LINGO2: variants seen among roughly 807,000 people sequenced by gnomAD.
LINGO2 encodes leucine-rich repeat and immunoglobulin-like domain-containing nogo receptor-interacting protein 2.
In LINGO2, 14 loss-of-function variants were observed where a neutral mutation model predicts 30.6. That is an observed-to-expected ratio of 0.46 (90% CI 0.30 to 0.72). LINGO2 has a LOEUF of 0.72. LINGO2 is among the 30% of genes least tolerant of loss of function. LINGO2 has a pLI of 0.07. For missense variants in LINGO2, 729 were observed against 751.7 expected (o/e 0.97, Z 0.35); for synonymous variants, 317 against 288.5 (o/e 1.10, Z -1.00).
the LINGO2 span, among the ~76,000 whole-genome samples, chr9:28,728,561 AG>A: frequency 7.9e-5 from 12 of 152,154 alleles, no homozygotes; most frequent in African/African-American, 2.7e-4. Flanking sequence ...AAACTGTAAA[AG>A]TTGTCAAAAA....
chr9:28,006,685 G>A lies in LINGO2; in HGVS notation c.-36+5670C>T, dbSNP rs187054762. 2.6e-5 allele frequency among the ~76,000 whole-genome samples: 4 copies of A among 152,128 alleles called. No homozygotes were observed. The East Asian group carries it at 7.7e-4, about 29-fold the overall frequency. On this transcript the variant is annotated intron_variant, in intron 5 of 5. Coordinates refer to ENST00000379992, the Ensembl canonical transcript of LINGO2. ...AGTAGGACTACAATAATCTCTCAAG[G>A]ATAGATGAAAACTCTTTTAGGGAAC...
chr9:27,999,411 C>T (rs915124891), intron 5 of LINGO2, among the ~76,000 whole-genome samples: 7 of 148,448 alleles, frequency 4.7e-5, no homozygotes, highest in South Asian at 2.2e-4. Flanking sequence ...TAAACCTCTA[C>T]GACTTAATCA....
chr9:28,153,906 T>C (rs1170174056), intron 4 of LINGO2, among the ~76,000 whole-genome samples: 1 of 152,154 alleles, frequency 6.6e-6, no homozygotes, highest in African/African-American at 2.4e-5. Context: ...GCAAATACAA[T>C]TGGGACAAGG....
At chr9:29,021,332 CACTAACT>C in the LINGO2 span, among the ~76,000 whole-genome samples, 9 of 152,128 alleles carry the variant, frequency 5.9e-5, no homozygotes, top group Non-Finnish European at 4.4e-5. Flanking sequence ...GGGAATACGG[CACTAACT>C]ACATTACTGA....
chr9:29,072,164 TTATA>T, the LINGO2 span, among the ~76,000 whole-genome samples: 29,847 of 151,772 alleles, frequency 0.2, 3,049 homozygotes, highest in African/African-American at 0.24. Context: ...AACATCCACA[TTATA>T]TATATTGAAT....
At chr9:28,850,825 G>C in the LINGO2 span, among the ~76,000 whole-genome samples, 1 of 152,024 alleles carries the variant, frequency 6.6e-6, no homozygotes, top group Admixed American at 6.6e-5. Flanking sequence ...CTCTGGTTGT[G>C]AGAAGAGAGG....
intron 5 of LINGO2, among the ~76,000 whole-genome samples, chr9:28,003,581 C>T (rs945405952): frequency 6.6e-6 from 1 of 152,152 alleles, no homozygotes; most frequent in Non-Finnish European, 1.5e-5. Context: ...CCTGCCTCAG[C>T]CTCCTGAGTA....
chr9:29,007,789 G>T, the LINGO2 span, among the ~76,000 whole-genome samples: 15 of 152,170 alleles, frequency 9.9e-5, no homozygotes, highest in African/African-American at 3.6e-4. Context: ...TTAGTTTGAG[G>T]TTTAAAGTGC....
intron 4 of LINGO2, among the ~76,000 whole-genome samples, chr9:28,225,762 G>C (rs1334128479): frequency 6.6e-6 from 1 of 152,020 alleles, no homozygotes; most frequent in Non-Finnish European, 1.5e-5. Context: ...CATAAGCAGG[G>C]AAATATATTC....
chr9:28,904,337 C>T, the LINGO2 span, among the ~76,000 whole-genome samples: 1 of 151,938 alleles, frequency 6.6e-6, no homozygotes, highest in Non-Finnish European at 1.5e-5. Context: ...GCTACTTGTA[C>T]TCAACATAGC....
At chr9:28,871,892 T>C in the LINGO2 span, among the ~76,000 whole-genome samples, 3 of 152,042 alleles carry the variant, frequency 2.0e-5, no homozygotes, top group African/African-American at 7.2e-5. Context: ...TGCTTAATAA[T>C]TTCTACCTTA....
intron 1 of LINGO2, among the ~76,000 whole-genome samples, chr9:28,537,021 A>T (rs996515680): frequency 1.3e-5 from 2 of 151,486 alleles, no homozygotes; most frequent in Admixed American, 6.6e-5. Flanking sequence ...GTCCTTATTT[A>T]AAAAAAAATA....
chr9:28,276,838 C>A (rs1406891351), intron 4 of LINGO2, among the ~76,000 whole-genome samples: 1 of 152,028 alleles, frequency 6.6e-6, no homozygotes, highest in African/African-American at 2.4e-5. Flanking sequence ...TGTCTAATAC[C>A]TTTTAGATGG....
rs114129575 is a variant in LINGO2 at position 28,203,759 on chromosome 9, G to A, written c.-87+91449C>T. Among the ~76,000 whole-genome samples the A allele has an allele frequency of 4.4e-3, 672 of 152,226 alleles. 5 individuals carry two copies. Among genetic ancestry groups the A allele is most frequent in the African/African-American group, 0.015 (640 of 41,546 alleles). The stretch of plus-strand genomic sequence containing the variant: ...AGAATTAGAACACAACACTTGTTTT[G>A]AGCTTCCTGGAAACTAAGAGCACTA... On this transcript the variant is annotated intron_variant, in intron 4 of 5. Transcript: ENST00000379992.
At chr9:28,521,535 C>G (rs115909236) in intron 1 of LINGO2, among the ~76,000 whole-genome samples, 1 of 152,140 alleles carries the variant, frequency 6.6e-6, no homozygotes, top group Non-Finnish European at 1.5e-5. Context: ...TTCTTCCCCC[C>G]ATTTTTCCTT....
At chr9:28,767,102 G>C in the LINGO2 span, among the ~76,000 whole-genome samples, 1 of 151,148 alleles carries the variant, frequency 6.6e-6, no homozygotes, top group East Asian at 1.9e-4. Context: ...GTGGGTAATG[G>C]AGAGACGTAG....
the LINGO2 span, among the ~76,000 whole-genome samples, chr9:28,754,031 C>T: frequency 6.6e-6 from 1 of 151,496 alleles, no homozygotes. Context: ...CACACACACA[C>T]ACACACACAC....
At chr9:29,069,211 A>AGAACT in the LINGO2 span, among the ~76,000 whole-genome samples, 18 of 152,128 alleles carry the variant, frequency 1.2e-4, no homozygotes, top group South Asian at 3.1e-3. Context: ...TCCAGAAGAC[A>AGAACT]GAACTAATAT....
intron 1 of LINGO2, among the ~76,000 whole-genome samples, chr9:28,538,851 T>C (rs1821549256): frequency 6.6e-6 from 1 of 151,970 alleles, no homozygotes. Context: ...TTCCAACCTA[T>C]GAATTTGGGG....
Sources: allele counts gnomAD v4.1 joint callset (sites outside exome capture counted in the v4.1 genomes callset), GRCh38; gene constraint gnomAD v4.1.1; transcripts MANE v1.5; gene names NCBI Gene and HGNC (gene_info 2026-07-23, HGNC 2026-07-21).